LAMA2: variants seen among roughly 807,000 people sequenced by gnomAD.
LAMA2 encodes the protein laminin subunit alpha 2, also known as laminin subunit alpha-2.
Under a neutral mutation model 364.8 loss-of-function variants are expected in LAMA2, and 269 were observed. The observed-to-expected ratio is 0.74, with a 90% CI of 0.67 to 0.82. The LOEUF (loss-of-function observed/expected upper bound fraction) is 0.82. Ranked by LOEUF, LAMA2 falls within the 40% of genes least tolerant of loss-of-function variation. The probability of loss-of-function intolerance (pLI) is 0.00; values close to 1 mark genes in which losing one functional copy is unlikely to be tolerated. For synonymous variants in LAMA2, 1,379 were observed against 1,370.6 expected (o/e 1.01, Z -0.14); for missense variants, 3,807 against 3,873.2 (o/e 0.98, Z 0.45).
intron 1 of LAMA2, among the ~76,000 whole-genome samples, chr6:129,034,444 T>C (rs900234865): frequency 7.2e-5 from 11 of 152,102 alleles, no homozygotes; most frequent in African/African-American, 2.7e-4. Context: ...ATCTGGATTA[T>C]CATGACAGTT....
At chr6:129,048,758 A>G (rs1056798748) in intron 1 of LAMA2, among the ~76,000 whole-genome samples, 1 of 151,298 alleles carries the variant, frequency 6.6e-6, no homozygotes, top group Non-Finnish European at 1.5e-5. Flanking sequence ...GGGATTACAG[A>G]TGCCCACCAC....
intron 3 of LAMA2, among the ~76,000 whole-genome samples, chr6:129,074,473 A>T (rs1773505045): frequency 6.6e-6 from 1 of 152,150 alleles, no homozygotes; most frequent in African/African-American, 2.4e-5. Flanking sequence ...CAATAAAAGT[A>T]CCCTGAGAGG....
chr6:129,432,469 G>T (rs758777343), intron 41 of LAMA2, among the ~76,000 whole-genome samples: 10 of 152,258 alleles, frequency 6.6e-5, no homozygotes, highest in Non-Finnish European at 1.3e-4. Flanking sequence ...AGAGACAAAG[G>T]CCTGTGCAAT....
chr6:129,168,949 T>C (rs1458582862), intron 9 of LAMA2, among the ~76,000 whole-genome samples: 1 of 152,064 alleles, frequency 6.6e-6, no homozygotes, highest in Non-Finnish European at 1.5e-5. Flanking sequence ...AGTTCACTCA[T>C]GATTTGGCTC....
chr6:129,414,861 CT>C (rs1338118042), intron 40 of LAMA2, among the ~76,000 whole-genome samples: 5 of 152,182 alleles, frequency 3.3e-5, no homozygotes, highest in Admixed American at 3.3e-4. Context: ...TTCAAATATT[CT>C]TCTTTTACTA....
intron 12 of LAMA2, among the ~76,000 whole-genome samples, chr6:129,241,840 T>C (rs1785413397): frequency 6.6e-6 from 1 of 152,172 alleles, no homozygotes; most frequent in African/African-American, 2.4e-5. Context: ...ATTCTTATCT[T>C]CTAAAATTCA....
chr6:129,167,172 T>A (rs965919991), intron 9 of LAMA2, among the ~76,000 whole-genome samples: 3 of 152,198 alleles, frequency 2.0e-5, no homozygotes, highest in Non-Finnish European at 2.9e-5. Flanking sequence ...TTATTTTTTT[T>A]AATTATACTT....
chr6:129,361,161 G>A (rs1472656805), intron 32 of LAMA2, among the ~76,000 whole-genome samples: 2 of 152,172 alleles, frequency 1.3e-5, no homozygotes, highest in Non-Finnish European at 2.9e-5. Context: ...CAAATTGCTT[G>A]CTTGCATCCT....
chr6:129,036,931 C>T (rs534689336), intron 1 of LAMA2, among the ~76,000 whole-genome samples: 1 of 152,322 alleles, frequency 6.6e-6, no homozygotes, highest in South Asian at 2.1e-4. Flanking sequence ...GGATCAAATA[C>T]ATTAACTAGC....
intron 1 of LAMA2, among the ~76,000 whole-genome samples, chr6:129,047,883 C>T (rs934855591): frequency 5.3e-5 from 8 of 151,930 alleles, no homozygotes; most frequent in East Asian, 3.9e-4. Context: ...CAACCAGGTC[C>T]GCAAGGTAGC....
intron 44 of LAMA2, among the ~76,000 whole-genome samples, chr6:129,443,810 A>T (rs1196350222): frequency 1.3e-5 from 2 of 152,188 alleles, no homozygotes; most frequent in Non-Finnish European, 1.5e-5. Context: ...ACAAAATTTA[A>T]TATATCACTA....
Position 129,300,796 on chromosome 6 carries a change from C to G in LAMA2, c.3098C>G (p.Pro1033Arg), listed in dbSNP as rs113957073. 8.7e-6 allele frequency: 14 copies of G among 1,613,414 alleles called. No individual in the cohort carries two copies. Among genetic ancestry groups the G allele is most frequent in the Middle Eastern group, 1.6e-4 (1 of 6,084 alleles). The change falls in exon 22 of 65, where the codon CCT becomes CGT. Residue 1033 changes from proline (P) to arginine (R), a missense_variant. By Grantham distance (103) the Pro-to-Arg change is moderately radical. Around this residue, in one of 3 missense-constraint regions of LAMA2, gnomAD observed 3,333 missense variants for 3,345.7 expected, o/e 1.00. Transcript: ENST00000421865. Reference protein sequence around the residue: ...CDPKTGRCICPPNTIGEKCSK... With the variant: ...CDPKTGRCICRPNTIGEKCSK... Reference sequence around the variant, plus strand: ...CCAAAGACTGGGCGATGCATTTGCCCTCCCAATACCATTGGAGAGAAATGT... The same window carrying G: ...CCAAAGACTGGGCGATGCATTTGCCGTCCCAATACCATTGGAGAGAAATGT...
intron 12 of LAMA2, among the ~76,000 whole-genome samples, chr6:129,231,762 CAACT>C (rs1784682899): frequency 6.6e-6 from 1 of 151,908 alleles, no homozygotes; most frequent in Non-Finnish European, 1.5e-5. Context: ...AAATAAAAAC[CAACT>C]AAGTTTTTTA....
intron 12 of LAMA2, among the ~76,000 whole-genome samples, chr6:129,217,983 T>A (rs1276669950): frequency 6.6e-6 from 1 of 152,140 alleles, no homozygotes; most frequent in East Asian, 1.9e-4. Context: ...TTAAAAAAAA[T>A]TCAAATACAG....
intron 4 of LAMA2, among the ~76,000 whole-genome samples, chr6:129,121,992 C>G (rs1348438694): frequency 6.6e-6 from 1 of 152,044 alleles, no homozygotes; most frequent in Admixed American, 6.5e-5. Context: ...ATCATGATGC[C>G]TATTGCAAAA....
At chr6:129,008,216 A>G (rs938184871) in intron 1 of LAMA2, among the ~76,000 whole-genome samples, 4 of 152,286 alleles carry the variant, frequency 2.6e-5, no homozygotes, top group South Asian at 2.1e-4. Flanking sequence ...CAAACCTTGC[A>G]GAAACTCTGT....
intron 51 of LAMA2, among the ~76,000 whole-genome samples, chr6:129,465,649 T>C (rs1783504984): frequency 6.6e-6 from 1 of 151,954 alleles, no homozygotes; most frequent in Admixed American, 6.6e-5. Flanking sequence ...GTGGAATCTA[T>C]AGGAGTGGTA....
intron 37 of LAMA2, among the ~76,000 whole-genome samples, chr6:129,394,449 C>T (rs572433347): frequency 1.3e-4 from 20 of 152,202 alleles, no homozygotes; most frequent in African/African-American, 2.4e-4. Flanking sequence ...ATTTTATTTC[C>T]GTGTCCCTCT....
chr6:129,241,419 T>C (rs915405677), intron 12 of LAMA2, among the ~76,000 whole-genome samples: 1 of 152,232 alleles, frequency 6.6e-6, no homozygotes, highest in Non-Finnish European at 1.5e-5. Context: ...TTGAAAACTA[T>C]ACTTATTAAA....
Sources: allele counts gnomAD v4.1 joint callset (sites outside exome capture counted in the v4.1 genomes callset), GRCh38; gene constraint gnomAD v4.1.1; regional missense constraint gnomAD v4.1.1; transcripts MANE v1.5; gene names NCBI Gene and HGNC (gene_info 2026-07-23, HGNC 2026-07-21).